Variants in SOX5 observed in about 807,000 individuals in gnomAD.
SOX5 encodes transcription factor SOX-5.
A neutral mutation model predicts 92.0 loss-of-function variants in SOX5; 9 were observed. The observed-to-expected ratio is 0.10, with a 90% confidence interval of 0.06 to 0.17. The LOEUF (loss-of-function observed/expected upper bound fraction) is 0.17. Among genes scored for constraint, SOX5 ranks in the 10% least tolerant of loss-of-function variants. The pLI is 1.00. For missense variants in SOX5, 642 were observed against 944.5 expected (o/e 0.68, Z 4.20); for synonymous variants, 344 against 336.3 (o/e 1.02, Z -0.25).
intron 4 of SOX5, among the ~76,000 whole-genome samples, chr12:24,003,087 A>G (rs906750481): frequency 1.3e-5 from 2 of 152,100 alleles, no homozygotes; most frequent in African/African-American, 2.4e-5. Context: ...AGGCAGAAAA[A>G]TTTTTGACTA....
At chr12:24,486,834 C>A (rs1946573745) in intron 1 of SOX5, among the ~76,000 whole-genome samples, 1 of 152,242 alleles carries the variant, frequency 6.6e-6, no homozygotes, top group South Asian at 2.1e-4. Context: ...TAAACTCTTT[C>A]TTTCCCTTGT....
At chr12:24,326,612 C>T (rs770876378) in intron 2 of SOX5, among the ~76,000 whole-genome samples, 2 of 152,194 alleles carry the variant, frequency 1.3e-5, no homozygotes, top group Non-Finnish European at 2.9e-5. Context: ...CAGGGTTTTG[C>T]AACTGGTGTG....
At chr12:24,468,437 T>C (rs1944452669) in intron 1 of SOX5, among the ~76,000 whole-genome samples, 1 of 151,912 alleles carries the variant, frequency 6.6e-6, no homozygotes, top group African/African-American at 2.4e-5. Flanking sequence ...ATAAATACTA[T>C]GGTAGTGCTA....
At chr12:23,778,931 A>C (rs1415483518) in intron 3 of SOX5, among the ~76,000 whole-genome samples, 1 of 152,174 alleles carries the variant, frequency 6.6e-6, no homozygotes, top group African/African-American at 2.4e-5. Context: ...AGAACAAAGC[A>C]CCTCAGATCA....
At chr12:24,435,449 C>A (rs1348419762) in intron 1 of SOX5, among the ~76,000 whole-genome samples, 1 of 152,142 alleles carries the variant, frequency 6.6e-6, no homozygotes, top group African/African-American at 2.4e-5. Context: ...CAGTTCACAC[C>A]TCACTAATTA....
intron 1 of SOX5, among the ~76,000 whole-genome samples, chr12:24,551,788 C>G (rs1953202627): frequency 1.3e-5 from 2 of 152,200 alleles, no homozygotes; most frequent in African/African-American, 4.8e-5. Flanking sequence ...TCTTATCTCA[C>G]CAGGACTCCT....
intron 3 of SOX5, among the ~76,000 whole-genome samples, chr12:23,836,739 G>C (rs2096419983): frequency 6.6e-6 from 1 of 151,782 alleles, no homozygotes; most frequent in South Asian, 2.1e-4. Flanking sequence ...ATTTAGCTGG[G>C]GCTTAATGAA....
chr12:23,657,128 T>C (rs1426579355), intron 7 of SOX5, among the ~76,000 whole-genome samples: 1 of 64,336 alleles, frequency 1.6e-5, no homozygotes, highest in African/African-American at 1.3e-4. Flanking sequence ...TTTTCATTGT[T>C]GGAATGTGGA....
Position 23,963,765 on chromosome 12 carries a change from T to TAAAAAAA in SOX5, c.-1-67748_-1-67742dup, listed in dbSNP as rs60053598. The stretch of plus-strand genomic sequence containing the variant: ...TGCAGGCAGGCATGCATGAATGAAG[T>TAAAAAAA]AAAAAAAAAAAAAAAAAACTGGAAG... On this transcript the variant is annotated intron_variant, in intron 4 of 4. Transcript: ENST00000446891. Among the ~76,000 whole-genome samples the TAAAAAAA allele has an allele frequency of 3.2e-5, 4 of 125,812 alleles. 1 individual carries two copies. The highest frequency in any genetic ancestry group is 2.7e-4 in the South Asian group (1 of 3,758). The allele number at this position is 125,812 out of a possible 152,430, so 82.5% of individuals were successfully genotyped here. A position where few individuals can be genotyped will look rare whatever the true frequency, so the allele number is the denominator to read the frequency against.
intron 2 of SOX5, among the ~76,000 whole-genome samples, chr12:24,341,565 G>A (rs1952579477): frequency 6.6e-6 from 1 of 152,226 alleles, no homozygotes; most frequent in Admixed American, 6.5e-5. Flanking sequence ...AGATATGCCT[G>A]TAAATAATGG....
chr12:23,868,171 T>C lies in SOX5; in HGVS notation c.271-21978A>G, dbSNP rs535942232. On this transcript the variant is annotated intron_variant, in intron 2 of 14. Coordinates refer to ENST00000451604, the MANE Select transcript of SOX5 (RefSeq NM_006940.6). ...GTGTAAAAACATCACCTGCTTTTAA[T>C]ATTAGCTGGTTTAATAAGATTTCCT... Among the ~76,000 whole-genome samples the C allele has an allele frequency of 2.6e-5, 4 of 152,158 alleles. No individual in the cohort carries two copies. The South Asian group carries it at 6.2e-4, about 24-fold the overall frequency.
chr12:24,311,697 T>C (rs1480850498), intron 2 of SOX5, among the ~76,000 whole-genome samples: 2 of 152,202 alleles, frequency 1.3e-5, no homozygotes, highest in Non-Finnish European at 2.9e-5. Context: ...CATTCATGTT[T>C]ATTGAATTCT....
At chr12:24,233,567 A>C (rs1434974211) in intron 3 of SOX5, among the ~76,000 whole-genome samples, 4 of 152,238 alleles carry the variant, frequency 2.6e-5, no homozygotes, top group African/African-American at 9.6e-5. Context: ...ACCTTTGTGT[A>C]AGCGAACTTT....
intron 4 of SOX5, among the ~76,000 whole-genome samples, chr12:24,157,856 A>C (rs1436153756): frequency 1.3e-5 from 2 of 152,100 alleles, no homozygotes; most frequent in African/African-American, 2.4e-5. Flanking sequence ...TTCTGCCTCC[A>C]TGAGTCAGAG....
chr12:24,340,770 C>A (rs1952482586), intron 2 of SOX5, among the ~76,000 whole-genome samples: 1 of 152,188 alleles, frequency 6.6e-6, no homozygotes, highest in Admixed American at 6.5e-5. Flanking sequence ...AAGACTCTAT[C>A]AAGAGCACAC....
intron 4 of SOX5, among the ~76,000 whole-genome samples, chr12:24,088,572 A>G (rs1284913370): frequency 6.6e-6 from 1 of 151,930 alleles, no homozygotes; most frequent in African/African-American, 2.4e-5. Context: ...TATTCTAGAG[A>G]TCTGATATTA....
chr12:24,372,996 TG>T (rs1956898495), intron 1 of SOX5, among the ~76,000 whole-genome samples: 1 of 149,592 alleles, frequency 6.7e-6, no homozygotes, highest in Non-Finnish European at 1.5e-5. Context: ...CACAGGCCTG[TG>T]GTCCCAGCTA....
intron 1 of SOX5, among the ~76,000 whole-genome samples, chr12:24,469,988 T>A (rs959297634): frequency 4.6e-5 from 7 of 152,150 alleles, no homozygotes; most frequent in Non-Finnish European, 1.0e-4. Flanking sequence ...GAAAGACCAG[T>A]GTCATATCAA....
intron 4 of SOX5, among the ~76,000 whole-genome samples, chr12:24,125,138 G>A (rs1256121984): frequency 6.6e-6 from 1 of 152,138 alleles, no homozygotes; most frequent in Admixed American, 6.5e-5. Flanking sequence ...ATTCCCCATT[G>A]TAAAACTTCT....
Sources: gnomAD v4.1 joint callset for allele counts (sites outside exome capture counted in the v4.1 genomes callset) on GRCh38, gnomAD v4.1.1 for gene constraint, MANE v1.5 for transcripts, NCBI Gene and HGNC (gene_info 2026-07-23, HGNC 2026-07-21) for gene names.